SCARA3: variants seen among roughly 807,000 people sequenced by gnomAD.
SCARA3 encodes the protein cellular stress response gene protein.
In SCARA3, 39 loss-of-function variants were observed where a neutral mutation model predicts 47.0. The ratio of observed to expected loss-of-function variants is 0.83; its 90% confidence interval spans 0.64 to 1.08. SCARA3 has a LOEUF of 1.08. Ranked by LOEUF, SCARA3 falls within the 50% of genes least tolerant of loss-of-function variation. The pLI is 0.00. For synonymous variants in SCARA3, 356 were observed against 334.1 expected, an observed-to-expected ratio of 1.07 and a Z score of -0.71; for missense variants, 724 against 792.3, an observed-to-expected ratio of 0.91 and a Z score of 1.04.
chr8:27,728,061 C>T, the SCARA3 span, among the ~76,000 whole-genome samples: 27 of 152,332 alleles, frequency 1.8e-4, no homozygotes, highest in East Asian at 4.1e-3. Context: ...GCTAGAGCTA[C>T]CCACAACAGC....
intron 5 of SCARA3, among the ~76,000 whole-genome samples, chr8:27,667,778 C>G (rs891758895): frequency 6.6e-6 from 1 of 152,202 alleles, no homozygotes; most frequent in African/African-American, 2.4e-5. Flanking sequence ...ACGCCAGCAC[C>G]GAGCAGCTCC....
At chr8:27,644,946 C>T (rs1478500654) in intron 1 of SCARA3, among the ~76,000 whole-genome samples, 1 of 152,108 alleles carries the variant, frequency 6.6e-6, no homozygotes, top group East Asian at 1.9e-4. Flanking sequence ...AAACAAGAAC[C>T]CTTGGAGCTT....
At chr8:27,713,765 A>G in the SCARA3 span, among the ~76,000 whole-genome samples, 1 of 152,160 alleles carries the variant, frequency 6.6e-6, no homozygotes, top group Non-Finnish European at 1.5e-5. Flanking sequence ...CATTTCTCCA[A>G]GGAAACCAGT....
At chr8:27,647,853 G>A (rs1801540694) in intron 1 of SCARA3, among the ~76,000 whole-genome samples, 1 of 152,188 alleles carries the variant, frequency 6.6e-6, no homozygotes, top group Non-Finnish European at 1.5e-5. Context: ...AGTCCATTCA[G>A]AGCTGCCTTT....
chr8:27,707,831 A>AAT, the SCARA3 span, among the ~76,000 whole-genome samples: 2 of 151,696 alleles, frequency 1.3e-5, no homozygotes, highest in Non-Finnish European at 1.5e-5. Context: ...CAAAAAAAAA[A>AAT]AAATAAGAAG....
chr8:27,730,758 G>A, the SCARA3 span, among the ~76,000 whole-genome samples: 2 of 151,750 alleles, frequency 1.3e-5, no homozygotes, highest in African/African-American at 2.4e-5. Flanking sequence ...CCAAAGTGCT[G>A]GGATTACAGG....
downstream of SCARA3, among the ~76,000 whole-genome samples, chr8:27,678,510 T>C (rs548330554): frequency 6.6e-6 from 1 of 152,364 alleles, no homozygotes; most frequent in East Asian, 1.9e-4. Context: ...TTGCTATTAA[T>C]ATAACTATGA....
chr8:27,659,082 C>T lies in SCARA3; in HGVS notation c.912C>T (p.Val304=), dbSNP rs1417951667. The change falls in exon 5 of 6, where the codon GTC becomes GTT. Residue 304 remains valine, a synonymous_variant. Transcript: ENST00000301904. Reference sequence around the variant, plus strand: ...GCATGCACGACCTGGTACTCCAGGTCATGGGCTTGCAGCTGCAGCTGGATA... The same window carrying T: ...GCATGCACGACCTGGTACTCCAGGTTATGGGCTTGCAGCTGCAGCTGGATA... ...SESMHDLVLQ[V]MGLQLQLDNI... 1 of 1,614,120 alleles carries T rather than the reference C, an allele frequency of 6.2e-7. No individual in the cohort carries two copies. Among genetic ancestry groups the T allele is most frequent in the South Asian group, 1.1e-5 (1 of 91,066 alleles).
At chr8:27,710,131 G>A in the SCARA3 span, among the ~76,000 whole-genome samples, 1 of 151,642 alleles carries the variant, frequency 6.6e-6, no homozygotes, top group Admixed American at 6.6e-5. Flanking sequence ...TCGGGAGGCT[G>A]AGGCAGGAGA....
the SCARA3 span, among the ~76,000 whole-genome samples, chr8:27,718,566 G>GA: frequency 6.6e-6 from 1 of 152,184 alleles, no homozygotes; most frequent in Non-Finnish European, 1.5e-5. Flanking sequence ...TGGACCAATG[G>GA]AAAAACTGCA....
chr8:27,654,212 A>G (rs1801694154), intron 3 of SCARA3, among the ~76,000 whole-genome samples: 1 of 152,252 alleles, frequency 6.6e-6, no homozygotes, highest in African/African-American at 2.4e-5. Flanking sequence ...ATAGGCATAT[A>G]GGTCTTCACT....
chr8:27,654,161 T>C (rs1341903342), intron 3 of SCARA3, among the ~76,000 whole-genome samples: 2 of 152,146 alleles, frequency 1.3e-5, no homozygotes, highest in Non-Finnish European at 2.9e-5. Context: ...TGGATGAATA[T>C]AAAATAAATA....
At chr8:27,678,871 C>A (rs996617572), downstream of SCARA3, among the ~76,000 whole-genome samples, 1 of 152,034 alleles carries the variant, frequency 6.6e-6, no homozygotes, top group South Asian at 2.1e-4. Context: ...TCAGTATAAA[C>A]CTTGTAGTTG....
the SCARA3 span, among the ~76,000 whole-genome samples, chr8:27,723,109 C>T: frequency 6.6e-6 from 1 of 152,170 alleles, no homozygotes; most frequent in Non-Finnish European, 1.5e-5. Flanking sequence ...GGACAGATCC[C>T]CAATCACGTT....
At chr8:27,712,119 C>T in the SCARA3 span, among the ~76,000 whole-genome samples, 1 of 152,242 alleles carries the variant, frequency 6.6e-6, no homozygotes, top group Non-Finnish European at 1.5e-5. Flanking sequence ...TGTTCCACTT[C>T]TTCAGCCCTC....
the SCARA3 span, among the ~76,000 whole-genome samples, chr8:27,709,748 G>T: frequency 1.1e-3 from 166 of 152,280 alleles, no homozygotes; most frequent in East Asian, 0.021. Flanking sequence ...GCCCCACCCA[G>T]TGCTGATGCC....
chr8:27,659,755 C>G (rs199920339), intron 5 of SCARA3, among the ~76,000 whole-genome samples: 1 of 143,710 alleles, frequency 7.0e-6, no homozygotes, highest in East Asian at 2.2e-4. Context: ...GAAGCTGAGG[C>G]AGAAGGATCA....
At chr8:27,636,767 T>G (rs903363886) in intron 1 of SCARA3, among the ~76,000 whole-genome samples, 1 of 152,182 alleles carries the variant, frequency 6.6e-6, no homozygotes, top group Non-Finnish European at 1.5e-5. Context: ...AGGGGCTGCA[T>G]GGGCTGCGGG....
At position 27,659,460 on chromosome 8, in the gene SCARA3, C is replaced by G. The variant is rs1449682449; in HGVS notation, c.1290C>G (p.Asn430Lys). 6.2e-7 allele frequency: 1 copy of G among 1,613,926 alleles called. No individual in the cohort carries two copies. Among genetic ancestry groups the G allele is most frequent in the African/African-American group, 1.3e-5 (1 of 74,904 alleles). ...CCCGGCTGGACCTCAACGTCCGGAA[C>G]CTCTCCATGATCGTGGAGGAGATGA... ...LSARLDLNVR[N>K]LSMIVEEMKA... The change falls in exon 5 of 6, where the codon AAC (asparagine) becomes AAG (lysine). Residue 430 changes from asparagine to lysine, a missense_variant. Physicochemically the swap from Asn to Lys is moderately conservative, Grantham distance 94. Transcript: ENST00000301904.
Sources: allele counts gnomAD v4.1 joint callset (sites outside exome capture counted in the v4.1 genomes callset), GRCh38; gene constraint gnomAD v4.1.1; transcripts MANE v1.5; gene names NCBI Gene and HGNC (gene_info 2026-07-23, HGNC 2026-07-21).